Variants in SARDH observed in about 807,000 individuals in gnomAD.
The protein encoded by SARDH is sarcosine dehydrogenase, mitochondrial.
In SARDH, 95 loss-of-function variants were observed where a neutral mutation model predicts 109.1. The ratio of observed to expected loss-of-function variants is 0.87; its 90% CI spans 0.74 to 1.03. The LOEUF (loss-of-function observed/expected upper bound fraction) is 1.03. Among genes scored for constraint, SARDH ranks in the 50% least tolerant of loss-of-function variants. SARDH has a pLI of 0.00. For missense variants in SARDH, 1,267 were observed against 1,287.8 expected, an observed-to-expected ratio of 0.98 and a Z score of 0.25; for synonymous variants, 572 against 534.8, an observed-to-expected ratio of 1.07 and a Z score of -0.96.
At chr9:133,673,240 G>C (rs1243441700) in intron 17 of SARDH, among the ~76,000 whole-genome samples, 1 of 152,262 alleles carries the variant, frequency 6.6e-6, no homozygotes, top group Non-Finnish European at 1.5e-5. Flanking sequence ...CTTGGTTCAG[G>C]TGCGTGGCAC....
chr9:133,676,930 G>A (rs1830533688), intron 17 of SARDH, among the ~76,000 whole-genome samples: 2 of 152,222 alleles, frequency 1.3e-5, no homozygotes, highest in African/African-American at 4.8e-5. Context: ...CTTGAGGCCA[G>A]GAGTTTGAGA....
Position 133,691,169 on chromosome 9 carries a change from AACACACACACACAC to A in SARDH, c.1922-656_1922-643del, listed in dbSNP as rs3081171. Among the ~76,000 whole-genome samples, 92 of 112,192 alleles carry A rather than the reference AACACACACACACAC, an allele frequency of 8.2e-4. 2 individuals carry two copies. The highest frequency in any genetic ancestry group is 7.0e-3 in the East Asian group (25 of 3,556). The allele number at this position is 112,192 out of a possible 152,430, so 73.6% of individuals were successfully genotyped here. The stretch of plus-strand genomic sequence containing the variant: ...ACAGACACCCTACCTCACCTCCCCC[AACACACACACACAC>A]ACACACACACACACACACACACACA... On this transcript the variant is annotated intron_variant, in intron 15 of 20. Coordinates refer to ENST00000439388, the MANE Select transcript of SARDH (RefSeq NM_001134707.2).
intron 18 of SARDH, 50 bp downstream of exon 18, chr9:133,671,484 GC>G: frequency 4.6e-6 from 7 of 1,505,690 alleles, no homozygotes; most frequent in Non-Finnish European, 5.4e-6. Context: ...GAGCGTCACT[GC>G]CCCCCACTGC....
intron 10 of SARDH, among the ~76,000 whole-genome samples, chr9:133,711,995 G>A (rs1333942746): frequency 2.0e-5 from 3 of 152,210 alleles, no homozygotes; most frequent in Admixed American, 6.5e-5. Context: ...GAAGGCCATC[G>A]GGATAGGCTG....
chr9:133,703,158 G>T, intron 12 of SARDH, 129 bp from the exon 13 acceptor site: 1 of 764,540 alleles, frequency 1.3e-6, no homozygotes, highest in Non-Finnish European at 2.2e-6. Context: ...CCTGCACTGA[G>T]TGCCCGTGTG....
chr9:133,693,045 G>A lies in SARDH; in HGVS notation c.1921+1213C>T, dbSNP rs1483544963. ...GCCCCGAAGACCCGCTGGGCAGTGAGGAGCGCTGTCTTCCCACCCTGGCCC... is the reference window on the plus strand; with the variant it reads ...GCCCCGAAGACCCGCTGGGCAGTGAAGAGCGCTGTCTTCCCACCCTGGCCC... On this transcript the variant is annotated intron_variant, in intron 15 of 20. Coordinates refer to ENST00000439388, the MANE Select transcript of SARDH (RefSeq NM_001134707.2). The surrounding 1 kb of genome is among the most constrained non-coding windows in gnomAD (Gnocchi z 5.6). Among the ~76,000 whole-genome samples, 2 of 152,076 alleles carry A rather than the reference G, an allele frequency of 1.3e-5. No individual in the cohort carries two copies. Among genetic ancestry groups the A allele is most frequent in the Non-Finnish European group, 2.9e-5 (2 of 68,014 alleles).
At chr9:133,697,262 C>T (rs1199581891) in intron 13 of SARDH, among the ~76,000 whole-genome samples, 1 of 152,098 alleles carries the variant, frequency 6.6e-6, no homozygotes, top group Non-Finnish European at 1.5e-5. Context: ...CTTAATAGAA[C>T]TAAAACAAAA....
chr9:133,688,309 C>T lies in SARDH; in HGVS notation c.2069+2071G>A, dbSNP rs142519285. ...CCAGCACCCTCCACTCTTCATCATG[C>T]ACGCGGAAGCTGTCTCTGTCCCCTA... On this transcript the variant is annotated intron_variant, in intron 16 of 20. Transcript: ENST00000439388. Among the ~76,000 whole-genome samples, 381 of 152,302 alleles carry T rather than the reference C, an allele frequency of 2.5e-3. 1 individual carries two copies. Among genetic ancestry groups the T allele is most frequent in the Non-Finnish European group, 4.3e-3 (291 of 68,008 alleles).
Position 133,734,424 on chromosome 9 carries a change from TTCAC to T in SARDH, c.-30-225_-30-222del, listed in dbSNP as rs1328904272. Among the ~76,000 whole-genome samples the T allele has an allele frequency of 1.2e-3, 171 of 140,226 alleles. 2 individuals are homozygous for T. The highest frequency in any genetic ancestry group is 1.7e-3 in the Non-Finnish European group (107 of 62,974). 92.0% of individuals were successfully genotyped at this position (140,226 alleles called of 152,430 possible). On this transcript the variant is annotated intron_variant, in intron 1 of 20. Transcript: ENST00000439388. ...ATTCATTCACTCATTCATTCATTCA[TTCAC>T]TCATTCATTCACTCATTCATTCATT...
chr9:133,696,420 C>T, intron 13 of SARDH, 59 bp from the exon 14 acceptor site: 2 of 1,610,768 alleles, frequency 1.2e-6, no homozygotes, highest in Non-Finnish European at 1.7e-6. Context: ...GCTTCTTCCT[C>T]AAGAACGTGG....
chr9:133,689,368 G>A (rs1288897260), intron 16 of SARDH, among the ~76,000 whole-genome samples: 3 of 152,110 alleles, frequency 2.0e-5, no homozygotes, highest in African/African-American at 4.8e-5. Flanking sequence ...CAGATGTGGC[G>A]GCAGGAAGCA....
At position 133,690,536 on chromosome 9, in the gene SARDH, G is replaced by A. The variant is rs145164594; in HGVS notation, c.1922-9C>T. On this transcript the variant is annotated splice_polypyrimidine_tract_variant and intron_variant, in intron 15 of 20. Coordinates refer to ENST00000439388, the MANE Select transcript of SARDH (RefSeq NM_001134707.2). ...CAGGTAGTAACCGTCCCCTGGAAGA[G>A]AGGCACCTGGACTTAGAGCAGGATT... 936 of 1,592,888 alleles carry A rather than the reference G, an allele frequency of 5.9e-4. 6 individuals carry two copies. The African/African-American group carries it at 8.4e-3, about 14-fold the overall frequency.
chr9:133,697,226 T>C (rs1183703047), intron 13 of SARDH, among the ~76,000 whole-genome samples: 1 of 152,106 alleles, frequency 6.6e-6, no homozygotes, highest in Non-Finnish European at 1.5e-5. Context: ...CACAAATTAC[T>C]GAAACAGAAT....
intron 19 of SARDH, 133 bp downstream of exon 19, chr9:133,670,451 C>T (rs190021303): frequency 4.1e-5 from 40 of 980,344 alleles, no homozygotes; most frequent in East Asian, 1.4e-4. Context: ...CTGTTGGGTG[C>T]GTTCTGGAAG....
At chr9:133,691,911 A>C (rs1010565172) in intron 15 of SARDH, among the ~76,000 whole-genome samples, 2 of 152,264 alleles carry the variant, frequency 1.3e-5, no homozygotes, top group East Asian at 3.9e-4. Context: ...ACACCCACCA[A>C]GTGCAAACCT....
chr9:133,719,460 G>T (rs1361131883), intron 6 of SARDH, among the ~76,000 whole-genome samples: 2 of 152,130 alleles, frequency 1.3e-5, no homozygotes, highest in Non-Finnish European at 2.9e-5. Context: ...TGGAGGAGAG[G>T]GAGACTGAGC....
chr9:133,671,629 G>T lies in SARDH; in HGVS notation c.2232C>A (p.Cys744Ter). The T allele has an allele frequency of 6.2e-7, 1 of 1,600,218 alleles. No individual in the cohort carries two copies. Among genetic ancestry groups the T allele is most frequent in the Non-Finnish European group, 8.5e-7 (1 of 1,173,928 alleles). The stretch of plus-strand genomic sequence containing the variant: ...CCATCACAGCCCGGTACACAGGCAC[G>T]CAGGACGCCTTTGGAATGTGCAGCT... Reference protein sequence around the residue: ...GWELHIPKASCVPVYRAVMAA... With the variant: ...GWELHIPKAS Residue 744 changes from cysteine (C) to a stop codon, truncating the protein, a stop_gained, in exon 18 of 21, where the codon TGC becomes TGA. Transcript: ENST00000439388. LOFTEE classifies it high-confidence loss of function.
intron 19 of SARDH, among the ~76,000 whole-genome samples, chr9:133,668,326 T>TCACC (rs1830156981): frequency 1.0e-4 from 3 of 29,108 alleles, no homozygotes; most frequent in Non-Finnish European, 2.0e-4. Context: ...CCACCCTCCC[T>TCACC]CTCCCTCTCC....
In SARDH at chr9:133,733,908, C is replaced by A; in HGVS notation, c.266G>T (p.Gly89Val). The change falls in exon 2 of 21, where the codon GGC becomes GTC. Residue 89 changes from glycine to valine, a missense_variant. Coordinates refer to ENST00000439388, the MANE Select transcript of SARDH (RefSeq NM_001134707.2). ...CQTLYHLAKL[G>V]MSGAVLLERE... ...CTCCAGCAGCACCGCCCCACTCATG[C>A]CCAGCTTGGCCAGGTGGTACAGGGT... 6.4e-7 allele frequency: 1 copy of A among 1,551,262 alleles called. No homozygotes were observed. The highest frequency in any genetic ancestry group is 1.2e-5 in the South Asian group (1 of 81,016).
Sources: allele counts gnomAD v4.1 joint callset (sites outside exome capture counted in the v4.1 genomes callset), GRCh38; gene constraint gnomAD v4.1.1; non-coding constraint Gnocchi (gnomAD v3.1); transcripts MANE v1.5; gene names NCBI Gene and HGNC (gene_info 2026-07-23, HGNC 2026-07-21).